The following NRP1 variants were observed in gnomAD, a reference collection of about 807,000 sequenced individuals.
NRP1 encodes neuropilin-1.
Under a neutral mutation model 106.7 loss-of-function variants are expected in NRP1, and 35 were observed. That is an observed-to-expected ratio of 0.33 (90% CI 0.25 to 0.43). The LOEUF (loss-of-function observed/expected upper bound fraction) is 0.43. Ranked by LOEUF, NRP1 falls within the 20% of genes least tolerant of loss-of-function variation. NRP1 has a pLI of 1.00. For synonymous variants in NRP1, 437 were observed against 417.9 expected (o/e 1.05, Z -0.56); for missense variants, 1,024 against 1,170.4 (o/e 0.87, Z 1.83).
chr10:33,272,880 T>TA (rs1295824013), intron 2 of NRP1, among the ~76,000 whole-genome samples: 2 of 151,980 alleles, frequency 1.3e-5, no homozygotes, highest in Non-Finnish European at 2.9e-5. Flanking sequence ...CAAGCACAAA[T>TA]AAGAGAGGTG....
chr10:33,241,310 A>G (rs1008411370), intron 6 of NRP1, among the ~76,000 whole-genome samples: 1 of 152,220 alleles, frequency 6.6e-6, no homozygotes, highest in African/African-American at 2.4e-5. Flanking sequence ...AAATGCAGTC[A>G]GTGGACAGAA....
chr10:33,295,754 C>T (rs186215922), intron 2 of NRP1, among the ~76,000 whole-genome samples: 10 of 152,150 alleles, frequency 6.6e-5, no homozygotes, highest in East Asian at 3.9e-4. Flanking sequence ...TGGGGGTACA[C>T]CATTAGATCA....
intron 12 of NRP1, chr10:33,195,657 T>G (rs185935010): frequency 2.0e-6 from 1 of 502,556 alleles, no homozygotes; most frequent in African/African-American, 2.0e-5. Context: ...ACCCCTGGCT[T>G]GAAGCATGCT....
intron 8 of NRP1, 91 bp from the exon 9 acceptor site, chr10:33,213,808 G>C: frequency 1.0e-6 from 1 of 995,710 alleles, no homozygotes; most frequent in Non-Finnish European, 1.5e-6. Context: ...ATAAAGACAT[G>C]ATTTTGTACC....
At chr10:33,252,432 C>A (rs1841934156) in intron 6 of NRP1, among the ~76,000 whole-genome samples, 1 of 152,110 alleles carries the variant, frequency 6.6e-6, no homozygotes, top group Non-Finnish European at 1.5e-5. Flanking sequence ...CTGTAACACG[C>A]GCCCACTGGG....
rs1364391424 is a variant in NRP1, at chr10:33,280,975, G to GA, written c.249-10120dup. 4.5e-3 allele frequency among the ~76,000 whole-genome samples: 478 copies of GA among 106,718 alleles called. 4 individuals are homozygous for GA. Among genetic ancestry groups the GA allele is most frequent in the African/African-American group, 0.014 (402 of 29,030 alleles). 70.0% of individuals were successfully genotyped at this position (106,718 alleles called of 152,430 possible). A position where few individuals can be genotyped will look rare whatever the true frequency, so the allele number is the denominator to read the frequency against. The stretch of plus-strand genomic sequence containing the variant: ...GACAAAGTGAGACCTTGTCTCAAAA[G>GA]AAAAAAAAAAAAGACAAGAAAAGAA... On this transcript the variant is annotated intron_variant, in intron 2 of 16. Coordinates refer to ENST00000374867, the MANE Select transcript of NRP1 (RefSeq NM_003873.7).
intron 2 of NRP1, among the ~76,000 whole-genome samples, chr10:33,293,086 A>G (rs1845118939): frequency 6.6e-6 from 1 of 152,208 alleles, no homozygotes; most frequent in African/African-American, 2.4e-5. Flanking sequence ...TTTAGAAGAC[A>G]GGCTTCCGAT....
At position 33,178,235 on chromosome 10, in the gene NRP1, T is replaced by C. The variant is rs1442494398; in HGVS notation, c.*1841A>G. The C allele has an allele frequency of 6.6e-6, 1 of 152,284 alleles. No homozygotes were observed. Among genetic ancestry groups the C allele is most frequent in the Non-Finnish European group, 1.5e-5 (1 of 68,042 alleles). The allele number at this position is 152,284 out of a possible 1,614,324, so 9.4% of individuals were successfully genotyped here. A position where few individuals can be genotyped will look rare whatever the true frequency, so the allele number is the denominator to read the frequency against. ...TGTCTTTGAGTGAGACGTCTAGCAA[T>C]GTGGGAAGGAAGATCTAAAAAATCT... On this transcript the variant is annotated 3_prime_UTR_variant, in exon 17 of 17. Coordinates refer to ENST00000374867, the MANE Select transcript of NRP1 (RefSeq NM_003873.7).
intron 2 of NRP1, among the ~76,000 whole-genome samples, chr10:33,288,029 G>T (rs1285502694): frequency 1.3e-5 from 2 of 151,922 alleles, no homozygotes; most frequent in African/African-American, 4.8e-5. Context: ...ACCCAAACTT[G>T]GTAAAGAATG....
chr10:33,302,064 T>C (rs1431236757), intron 2 of NRP1, among the ~76,000 whole-genome samples: 1 of 152,160 alleles, frequency 6.6e-6, no homozygotes, highest in Non-Finnish European at 1.5e-5. Context: ...CCAAATAGAC[T>C]ACTTAGTACA....
At chr10:33,214,229 G>A (rs11009295) in intron 8 of NRP1, among the ~76,000 whole-genome samples, 23,780 of 151,982 alleles carry the variant, frequency 0.16, 1,909 homozygotes, top group Admixed American at 0.24. Flanking sequence ...TTGAGTGTGG[G>A]AGAATAGTGA....
At chr10:33,313,185 C>T (rs2132807904) in intron 2 of NRP1, among the ~76,000 whole-genome samples, 1 of 152,288 alleles carries the variant, frequency 6.6e-6, no homozygotes, top group East Asian at 1.9e-4. Flanking sequence ...TTTGCCAAAA[C>T]AAGGTCTAAA....
chr10:33,316,101 A>G (rs560924435), intron 2 of NRP1, among the ~76,000 whole-genome samples: 13 of 152,286 alleles, frequency 8.5e-5, no homozygotes, highest in Non-Finnish European at 1.6e-4. Flanking sequence ...GGCAGGGAGG[A>G]AACGGGGAAC....
At chr10:33,204,685 T>C (rs1454334601) in intron 10 of NRP1, among the ~76,000 whole-genome samples, 2 of 152,198 alleles carry the variant, frequency 1.3e-5, no homozygotes, top group Non-Finnish European at 2.9e-5. Flanking sequence ...GATATGTATG[T>C]TCCAGTTTTA....
chr10:33,323,731 T>C (rs1380319457), intron 2 of NRP1, among the ~76,000 whole-genome samples: 2 of 152,166 alleles, frequency 1.3e-5, no homozygotes, highest in Non-Finnish European at 2.9e-5. Flanking sequence ...TGTTGTTCTT[T>C]AGGCTTAATG....
chr10:33,197,650 C>A lies in NRP1; in HGVS notation c.1924G>T (p.Glu642Ter). 6.3e-7 allele frequency: 1 copy of A among 1,599,482 alleles called. No homozygotes were observed. The highest frequency in any genetic ancestry group is 8.5e-7 in the Non-Finnish European group (1 of 1,172,510). ...TCACATTTCGTATTTTATTTGATAC[C>A]TGATTGTATGGTGCTGTCTATGACC... is the stretch of plus-strand genomic sequence containing the variant. Reference protein sequence around the residue: ...PTVIDSTIQSEFPTYGFNCEF... With the variant: ...PTVIDSTIQS Residue 642 changes from glutamate (E) to a stop codon, truncating the protein, a stop_gained and splice_region_variant, in exon 12 of 17, where the codon GAG becomes TAG. Coordinates refer to ENST00000374867, the MANE Select transcript of NRP1 (RefSeq NM_003873.7). LOFTEE classifies it high-confidence loss of function.
At chr10:33,269,399 C>T (rs7078603) in intron 3 of NRP1, among the ~76,000 whole-genome samples, 104,814 of 152,086 alleles carry the variant, frequency 0.69, 37,542 homozygotes, top group African/African-American at 0.89. Flanking sequence ...GCTCAGGCAG[C>T]CCTCCCACCT....
Position 33,213,446 on chromosome 10 carries a change from C to T in NRP1, c.1554G>A (p.Gly518=), listed in dbSNP as rs781186851. 3 of 1,614,016 alleles carry T rather than the reference C, an allele frequency of 1.9e-6. No individual in the cohort carries two copies. Among genetic ancestry groups the T allele is most frequent in the South Asian group, 1.1e-5 (1 of 91,056 alleles). Reference sequence around the variant, plus strand: ...TCCAGTCCGAGCCGTTGTTGCTGTACCCGATCTTGAACTTCCTCATGAACA... The same window carrying T: ...TCCAGTCCGAGCCGTTGTTGCTGTATCCGATCTTGAACTTCCTCATGAACA... ...NKVFMRKFKI[G]YSNNGSDWKM... is the part of the protein sequence containing the mutation. The change falls in exon 9 of 17, where the codon GGG becomes GGA. Residue 518 remains glycine, a synonymous_variant. Transcript: ENST00000374867.
intron 6 of NRP1, among the ~76,000 whole-genome samples, chr10:33,251,947 C>A (rs1037243434): frequency 2.0e-5 from 3 of 152,176 alleles, no homozygotes; most frequent in Non-Finnish European, 4.4e-5. Context: ...TAGGGCTCCA[C>A]CCCCACGGAC....
Sources: gnomAD v4.1 joint callset for allele counts (sites outside exome capture counted in the v4.1 genomes callset) on GRCh38, gnomAD v4.1.1 for gene constraint, MANE v1.5 for transcripts, NCBI Gene and HGNC (gene_info 2026-07-23, HGNC 2026-07-21) for gene names.